The following RPF2 variants were observed in gnomAD, a reference collection of about 807,000 sequenced individuals.
The protein encoded by RPF2 is ribosome production factor 2 homolog.
RPF2 carries 21 observed loss-of-function variants against 38.9 expected under a neutral mutation model. The observed-to-expected ratio is 0.54, with a 90% CI of 0.38 to 0.78. RPF2 has a LOEUF of 0.78. Among genes scored for constraint, RPF2 ranks in the 30% least tolerant of loss-of-function variants. The pLI, the probability that RPF2 is intolerant of heterozygous loss-of-function variation, is 0.00. For missense variants in RPF2, 314 were observed against 358.1 expected, an observed-to-expected ratio of 0.88 and a Z score of 0.99; for synonymous variants, 121 against 126.2, an observed-to-expected ratio of 0.96 and a Z score of 0.28.
At chr6:111,021,174 A>G (rs772154170) in intron 8 of RPF2, among the ~76,000 whole-genome samples, 2 of 152,142 alleles carry the variant, frequency 1.3e-5, no homozygotes, top group Non-Finnish European at 2.9e-5. Flanking sequence ...TCTCAAAAAA[A>G]TAAAAATAAA....
Position 111,008,206 on chromosome 6 carries a change from A to G in RPF2, c.493+69A>G, listed in dbSNP as rs931060222. 7 of 1,465,926 alleles carry G rather than the reference A, an allele frequency of 4.8e-6. No individual in the cohort carries two copies. The African/African-American group carries it at 1.0e-4, about 22-fold the overall frequency. The allele number at this position is 1,465,926 out of a possible 1,614,324, so 90.8% of individuals were successfully genotyped here. On this transcript the variant is annotated intron_variant, in intron 7 of 9. Transcript: ENST00000441448. ...ACAGTCTCAGACTCTCACTGGTGGC[A>G]CTTTGCTACTTTAGGTTTGTAACTT...
intron 8 of RPF2, among the ~76,000 whole-genome samples, chr6:111,016,937 C>T (rs981515978): frequency 6.6e-6 from 1 of 151,858 alleles, no homozygotes; most frequent in African/African-American, 2.4e-5. Context: ...CATCTTGCAC[C>T]GCCCTTAATC....
In RPF2 at chr6:110,982,075, C is replaced by T. The variant is rs779649806; in HGVS notation, c.-32C>T. 6.2e-6 allele frequency: 10 copies of T among 1,613,862 alleles called. No homozygotes were observed. Among genetic ancestry groups the T allele is most frequent in the African/African-American group, 1.3e-5 (1 of 74,952 alleles). On this transcript the variant is annotated 5_prime_UTR_variant, in exon 1 of 10. Transcript: ENST00000441448. The stretch of plus-strand genomic sequence containing the variant: ...GTAATCGCCGAGGGCACGTGCATGC[C>T]CCCTGGTTAAGAGTTGCAGGTAGCG...
intron 7 of RPF2, among the ~76,000 whole-genome samples, chr6:111,010,428 C>G (rs1020106071): frequency 6.6e-5 from 10 of 152,148 alleles, no homozygotes; most frequent in Non-Finnish European, 1.0e-4. Context: ...ACCTAGCTCT[C>G]TCCAATTTAA....
chr6:110,985,701 A>G (rs988159009), intron 2 of RPF2, among the ~76,000 whole-genome samples: 1 of 152,150 alleles, frequency 6.6e-6, no homozygotes, highest in African/African-American at 2.4e-5. Context: ...GCACTTTGGG[A>G]GGCCGAGGCA....
chr6:110,995,583 T>C (rs1224579336), intron 4 of RPF2, among the ~76,000 whole-genome samples: 1 of 152,124 alleles, frequency 6.6e-6, no homozygotes, highest in East Asian at 1.9e-4. Context: ...TTCTTTAATA[T>C]TAAGTTAAGA....
At chr6:111,025,308 T>C in intron 9 of RPF2, 95 bp from the exon 10 acceptor site, 1 of 785,726 alleles carries the variant, frequency 1.3e-6, no homozygotes, top group Non-Finnish European at 2.1e-6. Context: ...CAGGCACTAA[T>C]GGAAATTGCT....
At chr6:110,990,703 G>T (rs1448383889) in intron 3 of RPF2, among the ~76,000 whole-genome samples, 1 of 151,792 alleles carries the variant, frequency 6.6e-6, no homozygotes, top group Admixed American at 6.6e-5. Context: ...TCCTGCCTCA[G>T]CCTCCTGAGT....
chr6:111,015,773 A>G lies in RPF2; in HGVS notation c.513A>G (p.Thr171=), dbSNP rs760822408. 1.2e-6 allele frequency: 2 copies of G among 1,610,038 alleles called. No individual in the cohort carries two copies. The highest frequency in any genetic ancestry group is 4.5e-5 in the East Asian group (2 of 44,882). ...SLLIDFFRGP[T]VSNIRLAGLE... Reference sequence around the variant, plus strand: ...TTTTAGATTTCTTCAGAGGCCCCACAGTATCAAATATCCGCCTGGCTGGAT... The same window carrying G: ...TTTTAGATTTCTTCAGAGGCCCCACGGTATCAAATATCCGCCTGGCTGGAT... The change falls in exon 8 of 10, where the codon ACA becomes ACG. Residue 171 remains threonine (T), a synonymous_variant. Transcript: ENST00000441448.
chr6:111,015,192 G>A (rs975944926), intron 7 of RPF2, among the ~76,000 whole-genome samples: 3 of 152,140 alleles, frequency 2.0e-5, no homozygotes, highest in African/African-American at 7.2e-5. Flanking sequence ...ATGCTCTCAT[G>A]TGCCACCGGT....
At chr6:110,989,528 A>G (rs1371081103) in intron 3 of RPF2, among the ~76,000 whole-genome samples, 2 of 149,760 alleles carry the variant, frequency 1.3e-5, no homozygotes, top group Non-Finnish European at 3.0e-5. Context: ...TCTGCTCACT[A>G]CAACCTCTAA....
intron 2 of RPF2, among the ~76,000 whole-genome samples, chr6:110,988,803 A>G (rs1455809516): frequency 2.0e-5 from 3 of 152,296 alleles, no homozygotes; most frequent in Non-Finnish European, 2.9e-5. Flanking sequence ...AGTTGGATAG[A>G]CTATTGACAG....
chr6:111,021,138 C>T (rs972905931), intron 8 of RPF2, among the ~76,000 whole-genome samples: 6 of 151,984 alleles, frequency 3.9e-5, no homozygotes, highest in South Asian at 2.1e-4. Context: ...CACAGCACTC[C>T]GGCCTGGTGA....
intron 6 of RPF2, among the ~76,000 whole-genome samples, chr6:111,003,513 A>G (rs1186849300): frequency 3.9e-5 from 6 of 152,138 alleles, no homozygotes; most frequent in African/African-American, 1.4e-4. Flanking sequence ...AAACAAGCTC[A>G]TTGAGAATAT....
At chr6:110,997,682 C>T (rs1024465070) in intron 5 of RPF2, among the ~76,000 whole-genome samples, 12 of 152,130 alleles carry the variant, frequency 7.9e-5, no homozygotes, top group African/African-American at 2.4e-4. Flanking sequence ...CGCCACTGTA[C>T]TCCAGCCTGG....
At chr6:110,988,599 C>A (rs1401807939) in intron 2 of RPF2, among the ~76,000 whole-genome samples, 1 of 152,052 alleles carries the variant, frequency 6.6e-6, no homozygotes, top group East Asian at 1.9e-4. Context: ...CTATGCCTGG[C>A]TAATTTTTGC....
At chr6:111,005,166 G>A (rs1211877770) in intron 6 of RPF2, among the ~76,000 whole-genome samples, 3 of 152,142 alleles carry the variant, frequency 2.0e-5, no homozygotes, top group African/African-American at 4.8e-5. Flanking sequence ...AGTATAGACC[G>A]TTAAGGTTCC....
intron 8 of RPF2, among the ~76,000 whole-genome samples, chr6:111,023,453 A>T (rs989730451): frequency 2.0e-5 from 3 of 152,364 alleles, no homozygotes; most frequent in Non-Finnish European, 4.4e-5. Flanking sequence ...TTCAAAGAAA[A>T]AGCCAATTAT....
chr6:111,011,114 C>T (rs1321223114), intron 7 of RPF2, among the ~76,000 whole-genome samples: 3 of 152,134 alleles, frequency 2.0e-5, no homozygotes, highest in Admixed American at 2.0e-4. Context: ...AGCTTTTCTT[C>T]CCCTACTGTC....
Sources: gnomAD v4.1 joint callset for allele counts (sites outside exome capture counted in the v4.1 genomes callset) on GRCh38, gnomAD v4.1.1 for gene constraint, MANE v1.5 for transcripts, NCBI Gene and HGNC (gene_info 2026-07-23, HGNC 2026-07-21) for gene names.